TNIK: variants seen among roughly 807,000 people sequenced by gnomAD.
The protein encoded by TNIK is TRAF2 and NCK interacting kinase.
In TNIK, 49 loss-of-function variants were observed where a neutral mutation model predicts 191.3. The observed-to-expected ratio is 0.26, with a 90% CI of 0.20 to 0.32. The LOEUF is 0.32. TNIK is among the 10% of genes least tolerant of loss of function. The pLI is 1.00. For synonymous variants in TNIK, 594 were observed against 600.9 expected (o/e 0.99, Z 0.17); for missense variants, 1,155 against 1,702.3 (o/e 0.68, Z 5.66).
At chr3:171,071,126 ATG>A in intron 29 of TNIK, 95 bp downstream of exon 29, 2 of 788,402 alleles carry the variant, frequency 2.5e-6, no homozygotes. Flanking sequence ...TATTATCTAT[ATG>A]AAAATTGGTA....
Position 171,061,711 on chromosome 3 carries a change from G to A in TNIK, c.*2170C>T, listed in dbSNP as rs960650080. 6.6e-6 allele frequency: 1 copy of A among 152,134 alleles called. No homozygotes were observed. Among genetic ancestry groups the A allele is most frequent in the African/African-American group, 2.4e-5 (1 of 41,414 alleles). The allele number at this position is 152,134 out of a possible 1,614,324, so 9.4% of individuals were successfully genotyped here. A position where few individuals can be genotyped will look rare whatever the true frequency, so the allele number is the denominator to read the frequency against. ...TAAAGAGCTGGTGGCAATCACATTC[G>A]GGAGTGAAATCGAAATCAATATATT... On this transcript the variant is annotated 3_prime_UTR_variant, in exon 33 of 33. Transcript: ENST00000436636.
At chr3:171,397,889 T>C (rs1386170523) in intron 1 of TNIK, among the ~76,000 whole-genome samples, 1 of 152,176 alleles carries the variant, frequency 6.6e-6, no homozygotes, top group Admixed American at 6.5e-5. Context: ...CTTACCAAAA[T>C]AAACAAACTA....
chr3:171,457,702 T>C (rs1728938810), intron 1 of TNIK, among the ~76,000 whole-genome samples: 1 of 152,208 alleles, frequency 6.6e-6, no homozygotes, highest in Non-Finnish European at 1.5e-5. Context: ...CTCCAGGATA[T>C]AACTGTCTCC....
chr3:171,090,382 T>C (rs1360629947), intron 23 of TNIK, among the ~76,000 whole-genome samples: 1 of 151,886 alleles, frequency 6.6e-6, no homozygotes, highest in Admixed American at 6.6e-5. Context: ...ACCTACCCTC[T>C]CCCGACTTAA....
intron 23 of TNIK, among the ~76,000 whole-genome samples, chr3:171,091,524 C>T (rs1346335555): frequency 6.6e-6 from 1 of 152,056 alleles, no homozygotes; most frequent in Admixed American, 6.6e-5. Flanking sequence ...GGGCAGATTG[C>T]CTGAGCTCAG....
At chr3:171,113,628 A>C (rs1037939793) in intron 18 of TNIK, among the ~76,000 whole-genome samples, 2 of 151,826 alleles carry the variant, frequency 1.3e-5, no homozygotes, top group African/African-American at 4.8e-5. Flanking sequence ...AAAAAAGCAA[A>C]TTCAAGACCA....
At chr3:171,139,634 G>A in intron 13 of TNIK, 78 bp from the exon 14 acceptor site, 1 of 1,389,684 alleles carries the variant, frequency 7.2e-7, no homozygotes, top group Non-Finnish European at 1.0e-6. Flanking sequence ...AAGGCGACAA[G>A]AGCCGCTAAG....
intron 2 of TNIK, among the ~76,000 whole-genome samples, chr3:171,314,926 T>C (rs1022849482): frequency 6.6e-6 from 1 of 152,124 alleles, no homozygotes; most frequent in Admixed American, 6.6e-5. Flanking sequence ...AAAAAGCATT[T>C]TAATATCACA....
At position 171,136,626 on chromosome 3, in the gene TNIK, C is replaced by T. The variant is rs74639178; in HGVS notation, c.1608+1565G>A. ...CATTAATTCCTGCAGGTGCTACTGA[C>T]ATTAGCTTTGTAGAGGCTAGTTTTT... On this transcript the variant is annotated intron_variant, in intron 15 of 32. Transcript: ENST00000436636. Among the ~76,000 whole-genome samples, 1,065 of 152,294 alleles carry T rather than the reference C, an allele frequency of 7.0e-3. 16 individuals are homozygous for T. Among genetic ancestry groups the T allele is most frequent in the African/African-American group, 0.024 (1,006 of 41,550 alleles).
intron 2 of TNIK, among the ~76,000 whole-genome samples, chr3:171,236,350 G>T (rs1744264984): frequency 6.6e-6 from 1 of 152,180 alleles, no homozygotes; most frequent in African/African-American, 2.4e-5. Flanking sequence ...TGTCCTAACT[G>T]GAGGGGAAAG....
chr3:171,247,623 G>T (rs992433239), intron 2 of TNIK, among the ~76,000 whole-genome samples: 4 of 152,158 alleles, frequency 2.6e-5, no homozygotes, highest in African/African-American at 9.7e-5. Flanking sequence ...TACAGAGACA[G>T]AAGGACTTGC....
chr3:171,236,404 TTTG>T (rs1285425961), intron 2 of TNIK, among the ~76,000 whole-genome samples: 1 of 152,234 alleles, frequency 6.6e-6, no homozygotes, highest in African/African-American at 2.4e-5. Context: ...AGGTTCTGTT[TTTG>T]TTTTCTTTTC....
chr3:171,379,934 G>C (rs1717787076), intron 1 of TNIK, among the ~76,000 whole-genome samples: 1 of 152,048 alleles, frequency 6.6e-6, no homozygotes, highest in Admixed American at 6.6e-5. Context: ...GCTTGAACCA[G>C]GGAGGTGGAG....
chr3:171,223,477 C>T (rs1464832848), intron 3 of TNIK, among the ~76,000 whole-genome samples: 1 of 152,054 alleles, frequency 6.6e-6, no homozygotes, highest in Non-Finnish European at 1.5e-5. Flanking sequence ...AAAAGAATCA[C>T]ATGAAATTAA....
At chr3:171,213,469 T>C (rs1218461443) in intron 3 of TNIK, among the ~76,000 whole-genome samples, 2 of 152,008 alleles carry the variant, frequency 1.3e-5, no homozygotes, top group Non-Finnish European at 2.9e-5. Context: ...TCTACAAGTA[T>C]TTACCGCTTG....
At position 171,058,970 on chromosome 3, in the gene TNIK, T is replaced by C. The variant is rs186946709; in HGVS notation, c.*4911A>G. On this transcript the variant is annotated 3_prime_UTR_variant, in exon 33 of 33. Coordinates refer to ENST00000436636, the MANE Select transcript of TNIK (RefSeq NM_015028.4). ...TAATAAGTATTACTATTCCTTAACA[T>C]TTATCCCAGGGGAAGAGATAAGGGA... Among the ~76,000 whole-genome samples the C allele has an allele frequency of 6.6e-6, 1 of 152,322 alleles. No individual in the cohort carries two copies. The highest frequency in any genetic ancestry group is 1.9e-4 in the East Asian group (1 of 5,192).
At chr3:171,324,388 T>C (rs1755516738) in intron 2 of TNIK, among the ~76,000 whole-genome samples, 1 of 152,118 alleles carries the variant, frequency 6.6e-6, no homozygotes, top group African/African-American at 2.4e-5. Flanking sequence ...ATAAAAGGTC[T>C]CTAGAGAGAA....
At chr3:171,377,291 G>A (rs756534184) in intron 1 of TNIK, among the ~76,000 whole-genome samples, 20 of 152,194 alleles carry the variant, frequency 1.3e-4, no homozygotes, top group African/African-American at 4.1e-4. Context: ...GGAGACTGGA[G>A]CCTCCTCACC....
rs1165277555 is a variant in TNIK at position 171,139,526 on chromosome 3, G to T, written c.1363C>A (p.Gln455Lys). The T allele has an allele frequency of 1.9e-6, 3 of 1,613,704 alleles. No homozygotes were observed. The highest frequency in any genetic ancestry group is 1.1e-5 in the South Asian group (1 of 91,070). The change falls in exon 14 of 33, where the codon CAG (glutamine) becomes AAG (lysine). Residue 455 changes from glutamine to lysine, a missense_variant. Coordinates refer to ENST00000436636, the MANE Select transcript of TNIK (RefSeq NM_015028.4). ...EYIRRQLEEE[Q>K]RQLEILQQQL... ...TGCTGCAAGATCTCTAACTGTCTCT[G>T]CTCCTCCTCTAACTGTCGCCTGATG...
Sources: gnomAD v4.1 joint callset for allele counts (sites outside exome capture counted in the v4.1 genomes callset) on GRCh38, gnomAD v4.1.1 for gene constraint, MANE v1.5 for transcripts, NCBI Gene and HGNC (gene_info 2026-07-23, HGNC 2026-07-21) for gene names.